Variants in DEPDC5 observed in about 807,000 individuals in gnomAD.
DEPDC5 encodes the protein GATOR1 complex protein DEPDC5.
In DEPDC5, 73 loss-of-function variants were observed where a neutral mutation model predicts 217.3. The observed-to-expected ratio is 0.34, with a 90% CI of 0.28 to 0.41. The LOEUF (loss-of-function observed/expected upper bound fraction) is 0.41, where lower values mean the gene tolerates loss of function less well. Among genes scored for constraint, DEPDC5 ranks in the 10% least tolerant of loss-of-function variants. The probability of loss-of-function intolerance (pLI) is 1.00; values close to 1 mark genes in which losing one functional copy is unlikely to be tolerated. For missense variants in DEPDC5, 1,675 were observed against 2,070.1 expected (o/e 0.81, Z 3.70); for synonymous variants, 733 against 756.7 (o/e 0.97, Z 0.51).
chr22:31,798,416 G>T (rs778047886), intron 13 of DEPDC5, among the ~76,000 whole-genome samples, 166 bp from the exon 14 acceptor site: 1 of 152,134 alleles, frequency 6.6e-6, no homozygotes, highest in African/African-American at 2.4e-5. Context: ...TACTCGGGAG[G>T]CTGAGGCAGG....
chr22:31,896,483 A>G (rs931924608), intron 39 of DEPDC5, among the ~76,000 whole-genome samples: 9 of 152,098 alleles, frequency 5.9e-5, no homozygotes, highest in South Asian at 2.1e-4. Context: ...ATAATACTTG[A>G]CACAAAAATC....
chr22:31,755,115 C>A, intron 2 of DEPDC5, 136 bp downstream of exon 2: 1 of 905,366 alleles, frequency 1.1e-6, no homozygotes, highest in Non-Finnish European at 1.7e-6. Flanking sequence ...CAGCAACTGT[C>A]ATACAGTAAC....
intron 4 of DEPDC5, among the ~76,000 whole-genome samples, chr22:31,763,757 A>G (rs543681388): frequency 2.8e-4 from 43 of 151,768 alleles, no homozygotes; most frequent in Admixed American, 4.6e-4. Context: ...TAACAATTCA[A>G]TATTTCAATT....
At chr22:31,857,409 G>T in intron 31 of DEPDC5, 36 bp from the exon 32 acceptor site, 1 of 1,548,528 alleles carries the variant, frequency 6.5e-7, no homozygotes, top group South Asian at 1.2e-5. Context: ...AGGGAGCTCT[G>T]AGCAAGCTGC....
intron 4 of DEPDC5, among the ~76,000 whole-genome samples, chr22:31,762,496 G>A (rs999007652): frequency 6.6e-6 from 1 of 152,204 alleles, no homozygotes; most frequent in African/African-American, 2.4e-5. Context: ...GGGTGCAGTG[G>A]CTGACGCCTG....
intron 33 of DEPDC5, among the ~76,000 whole-genome samples, chr22:31,864,234 T>A (rs1424641353): frequency 4.6e-5 from 7 of 150,694 alleles, no homozygotes; most frequent in Non-Finnish European, 8.9e-5. Flanking sequence ...CCAGCCTCCC[T>A]AGTAGTTGGG....
At chr22:31,790,891 C>T (rs556526093) in intron 10 of DEPDC5, among the ~76,000 whole-genome samples, 3 of 151,870 alleles carry the variant, frequency 2.0e-5, no homozygotes, top group South Asian at 2.1e-4. Context: ...CAATTTCAGG[C>T]GCGTGCCACA....
At chr22:31,887,313 G>A (rs574902523) in intron 38 of DEPDC5, among the ~76,000 whole-genome samples, 10 of 150,114 alleles carry the variant, frequency 6.7e-5, no homozygotes, top group African/African-American at 1.2e-4. Flanking sequence ...CCAGCTGCTC[G>A]GGAGCTGAAG....
intron 18 of DEPDC5, 97 bp from the exon 19 acceptor site, chr22:31,809,514 G>C: frequency 7.5e-7 from 1 of 1,331,164 alleles, no homozygotes; most frequent in Non-Finnish European, 1.1e-6. Context: ...TCAGTTACAG[G>C]CTGTCTTCCC....
intron 3 of DEPDC5, among the ~76,000 whole-genome samples, 194 bp downstream of exon 3, chr22:31,758,827 G>A (rs1317599897): frequency 6.6e-6 from 1 of 151,788 alleles, no homozygotes; most frequent in East Asian, 1.9e-4. Flanking sequence ...CAACATAGAG[G>A]GACCCTGTCT....
At chr22:31,880,907 C>T (rs1023493193) in intron 38 of DEPDC5, among the ~76,000 whole-genome samples, 23 of 151,888 alleles carry the variant, frequency 1.5e-4, no homozygotes, top group South Asian at 6.2e-4. Flanking sequence ...ACCAGGTACT[C>T]GGGAGGCTGA....
chr22:31,832,404 C>T (rs1180005760), intron 24 of DEPDC5, among the ~76,000 whole-genome samples: 1 of 151,986 alleles, frequency 6.6e-6, no homozygotes, highest in African/African-American at 2.4e-5. Context: ...GTTCCATATC[C>T]TTGTCAACAC....
At chr22:31,767,224 T>A (rs537519276) in intron 6 of DEPDC5, among the ~76,000 whole-genome samples, 2 of 152,024 alleles carry the variant, frequency 1.3e-5, no homozygotes, top group Admixed American at 6.6e-5. Context: ...TACTGTAACC[T>A]CTGTCGTCTG....
rs576429635 is a variant in DEPDC5 at position 31,830,484 on chromosome 22, G to C, written c.2105-3431G>C. ...ATGACTGAAAATAAGACCTCAGAGAGCCAGTGGGAAAGGCAGTGTGTTGGG... is the reference window on the plus strand; with the variant it reads ...ATGACTGAAAATAAGACCTCAGAGACCCAGTGGGAAAGGCAGTGTGTTGGG... On this transcript the variant is annotated intron_variant, in intron 24 of 42. Coordinates refer to ENST00000651528, the MANE Select transcript of DEPDC5 (RefSeq NM_001242896.3). Among the ~76,000 whole-genome samples the C allele has an allele frequency of 9.2e-5, 14 of 152,340 alleles. No homozygotes were observed. In the South Asian group the frequency reaches 2.9e-3, roughly 32 times the overall value.
chr22:31,783,862 CTG>C (rs764672407), intron 8 of DEPDC5, 43 bp from the exon 9 acceptor site: 180 of 1,539,136 alleles, frequency 1.2e-4, no homozygotes, highest in Non-Finnish European at 1.5e-4. Flanking sequence ...AGAACTGAAA[CTG>C]TATATGGCAT....
chr22:31,818,521 C>T (rs2089382719), intron 21 of DEPDC5, among the ~76,000 whole-genome samples: 1 of 152,170 alleles, frequency 6.6e-6, no homozygotes, highest in Non-Finnish European at 1.5e-5. Context: ...AGAACTAAGT[C>T]ATTTGGCTTT....
intron 40 of DEPDC5, among the ~76,000 whole-genome samples, chr22:31,898,721 C>T (rs966046198): frequency 5.3e-5 from 8 of 152,188 alleles, no homozygotes; most frequent in Admixed American, 4.6e-4. Flanking sequence ...AAAGCCCATC[C>T]GTGTATTTTT....
chr22:31,863,768 C>G (rs1293019393), intron 33 of DEPDC5, among the ~76,000 whole-genome samples: 4 of 151,922 alleles, frequency 2.6e-5, no homozygotes, highest in Admixed American at 2.6e-4. Context: ...AATAAAAATA[C>G]AAAAATTAGA....
chr22:31,758,785 ATTTGAGCCCGGGAG>A, intron 3 of DEPDC5, 152 bp downstream of exon 3: 1 of 727,684 alleles, frequency 1.4e-6, no homozygotes, highest in Non-Finnish European at 2.3e-6. Context: ...TGGGTAGGTC[ATTTGAGCCCGGGAG>A]TTCGAGACCA....
Sources: gnomAD v4.1 joint callset for allele counts (sites outside exome capture counted in the v4.1 genomes callset) on GRCh38, gnomAD v4.1.1 for gene constraint, MANE v1.5 for transcripts, NCBI Gene and HGNC (gene_info 2026-07-23, HGNC 2026-07-21) for gene names.